EMCN: variants seen among roughly 807,000 people sequenced by gnomAD.
EMCN encodes the protein MUC-14.
EMCN carries 37 observed loss-of-function variants against 38.4 expected under a neutral mutation model. That is an observed-to-expected ratio of 0.96 (90% confidence interval 0.74 to 1.27). The LOEUF (loss-of-function observed/expected upper bound fraction) is 1.27. Ranked by LOEUF, EMCN falls within the 50% of genes most tolerant of loss-of-function variation. The pLI is 0.00. For synonymous variants in EMCN, 95 were observed against 100.8 expected (o/e 0.94, Z 0.35); for missense variants, 318 against 302.8 (o/e 1.05, Z -0.37).
chr4:100,431,875 A>G (rs1323040651), intron 5 of EMCN, among the ~76,000 whole-genome samples: 1 of 151,604 alleles, frequency 6.6e-6, no homozygotes, highest in Non-Finnish European at 1.5e-5. Flanking sequence ...GGAGAACCCT[A>G]ATACAGTTGT....
chr4:100,426,394 C>T (rs560325246), intron 5 of EMCN, among the ~76,000 whole-genome samples: 273 of 152,226 alleles, frequency 1.8e-3, no homozygotes, highest in Non-Finnish European at 3.3e-3. Flanking sequence ...TGCTGAACCT[C>T]CCCTAGAATG....
chr4:100,501,350 G>T (rs535784887), intron 1 of EMCN, among the ~76,000 whole-genome samples: 12 of 152,012 alleles, frequency 7.9e-5, no homozygotes, highest in Non-Finnish European at 1.8e-4. Context: ...TTATATCAAA[G>T]ACCTATATAT....
chr4:100,447,128 T>G (rs1052124957), intron 5 of EMCN, among the ~76,000 whole-genome samples: 4 of 152,298 alleles, frequency 2.6e-5, no homozygotes, highest in Admixed American at 2.6e-4. Context: ...CATTTTAAAT[T>G]GTTAACTGTG....
At chr4:100,438,135 A>G (rs1275902536) in intron 5 of EMCN, among the ~76,000 whole-genome samples, 1 of 152,092 alleles carries the variant, frequency 6.6e-6, no homozygotes, top group Non-Finnish European at 1.5e-5. Flanking sequence ...TCCTAAGGAC[A>G]GATGGTCCTC....
At chr4:100,399,938 A>G (rs1041392967) in intron 11 of EMCN, among the ~76,000 whole-genome samples, 4 of 152,150 alleles carry the variant, frequency 2.6e-5, no homozygotes, top group African/African-American at 9.7e-5. Context: ...AAGAAGTCCC[A>G]GGTGTCTGTT....
In EMCN at chr4:100,403,597, G is replaced by T. The variant is rs367853544; in HGVS notation, c.*40-5224C>A. Among the ~76,000 whole-genome samples the T allele has an allele frequency of 7.6e-4, 115 of 151,952 alleles. 1 individual carries two copies. The South Asian group carries it at 0.022, about 30-fold the overall frequency. On this transcript the variant is annotated intron_variant, in intron 11 of 11. Transcript: ENST00000296420. ...TTTCTTTGGTCTGTATCTAGTAATG[G>T]GACTGCTGGGTTGAATGGTAGTTCT...
At chr4:100,510,463 T>C (rs1729597498) in intron 1 of EMCN, among the ~76,000 whole-genome samples, 1 of 152,212 alleles carries the variant, frequency 6.6e-6, no homozygotes, top group African/African-American at 2.4e-5. Flanking sequence ...TGTTTAAATA[T>C]TTTCTGCTTC....
At chr4:100,509,420 G>A (rs1213556476) in intron 1 of EMCN, among the ~76,000 whole-genome samples, 1 of 152,154 alleles carries the variant, frequency 6.6e-6, no homozygotes, top group African/African-American at 2.4e-5. Context: ...TTTAAAAAAG[G>A]TGAGTCCCAC....
Position 100,492,333 on chromosome 4 carries a change from A to T in EMCN, c.65-12294T>A, listed in dbSNP as rs374815650. ...AAAGAATCAGTGAGCTTAAAGATAG[A>T]ACATTTGAAATTGTCCAATCAGAGG... On this transcript the variant is annotated intron_variant, in intron 1 of 11. Coordinates refer to ENST00000296420, the MANE Select transcript of EMCN (RefSeq NM_016242.4). Among the ~76,000 whole-genome samples, 27 of 152,292 alleles carry T rather than the reference A, an allele frequency of 1.8e-4. 1 individual carries two copies. In the South Asian group the frequency reaches 5.4e-3, roughly 30 times the overall value.
At chr4:100,512,401 G>A (rs944702731) in intron 1 of EMCN, among the ~76,000 whole-genome samples, 9 of 152,132 alleles carry the variant, frequency 5.9e-5, no homozygotes, top group African/African-American at 2.2e-4. Context: ...AACTGAGAGA[G>A]CTGCTTCTAT....
At chr4:100,461,179 A>T (rs1470936158) in intron 4 of EMCN, among the ~76,000 whole-genome samples, 1 of 152,092 alleles carries the variant, frequency 6.6e-6, no homozygotes, top group Non-Finnish European at 1.5e-5. Flanking sequence ...TGCACTTTGT[A>T]TTTCCTCTTT....
intron 5 of EMCN, among the ~76,000 whole-genome samples, chr4:100,434,003 G>T (rs1394265311): frequency 1.3e-5 from 2 of 152,056 alleles, no homozygotes; most frequent in Non-Finnish European, 2.9e-5. Context: ...AAAGCTGGCA[G>T]AAGACAAGAA....
chr4:100,443,741 A>G (rs1727587019), intron 5 of EMCN, among the ~76,000 whole-genome samples: 1 of 152,176 alleles, frequency 6.6e-6, no homozygotes, highest in African/African-American at 2.4e-5. Flanking sequence ...TTTCCCCAGT[A>G]AGGCAGGGTC....
At chr4:100,460,592 C>G (rs1728152075) in intron 4 of EMCN, among the ~76,000 whole-genome samples, 1 of 152,156 alleles carries the variant, frequency 6.6e-6, no homozygotes. Flanking sequence ...TCTCATGAAA[C>G]TTATTCACTG....
Position 100,473,373 on chromosome 4 carries a change from G to GTTTTTT in EMCN, c.259+1659_259+1664dup, listed in dbSNP as rs1256284835. Among the ~76,000 whole-genome samples, 257 of 65,964 alleles carry GTTTTTT rather than the reference G, an allele frequency of 3.9e-3. 33 individuals carry two copies. Among genetic ancestry groups the GTTTTTT allele is most frequent in the South Asian group, 5.5e-3 (6 of 1,094 alleles). 43.3% of individuals were successfully genotyped at this position (65,964 alleles called of 152,430 possible). On this transcript the variant is annotated intron_variant, in intron 3 of 11. Transcript: ENST00000296420. ...GGCATTTCCCGTTTCGTGTTTTTTT[G>GTTTTTT]TTTTTTTTTTTTGTTTTTTTTTTTG...
At chr4:100,432,907 T>C (rs549731400) in intron 5 of EMCN, among the ~76,000 whole-genome samples, 5 of 152,318 alleles carry the variant, frequency 3.3e-5, no homozygotes, top group African/African-American at 9.6e-5. Flanking sequence ...ATTTAGATAG[T>C]AAAAGTTACT....
At chr4:100,483,034 C>T (rs1213427659) in intron 1 of EMCN, among the ~76,000 whole-genome samples, 3 of 152,058 alleles carry the variant, frequency 2.0e-5, no homozygotes, top group African/African-American at 7.2e-5. Context: ...TTAATTAGTA[C>T]TCTTTAACAT....
chr4:100,492,843 C>T (rs758480229), intron 1 of EMCN, among the ~76,000 whole-genome samples: 10 of 151,762 alleles, frequency 6.6e-5, no homozygotes, highest in African/African-American at 1.5e-4. Context: ...GAGTAGAAAA[C>T]GCGGTCTGGG....
intron 10 of EMCN, among the ~76,000 whole-genome samples, chr4:100,413,201 A>G (rs917176220): frequency 2.0e-5 from 3 of 152,188 alleles, no homozygotes; most frequent in African/African-American, 4.8e-5. Context: ...AGGTCTTGAA[A>G]CAAATAAAGT....
Sources: gnomAD v4.1 joint callset for allele counts (sites outside exome capture counted in the v4.1 genomes callset) on GRCh38, gnomAD v4.1.1 for gene constraint, MANE v1.5 for transcripts, NCBI Gene and HGNC (gene_info 2026-07-23, HGNC 2026-07-21) for gene names.